MRC1: variants seen among roughly 807,000 people sequenced by gnomAD.
MRC1 encodes macrophage mannose receptor 1.
In MRC1, 62 loss-of-function variants were observed where a neutral mutation model predicts 102.9. That is an observed-to-expected ratio of 0.60 (90% CI 0.49 to 0.74). MRC1 has a LOEUF of 0.74. Among genes scored for constraint, MRC1 ranks in the 30% least tolerant of loss-of-function variants. The pLI is 0.00. For missense variants in MRC1, 1,237 were observed against 862.8 expected, an observed-to-expected ratio of 1.43 and a Z score of -5.43; for synonymous variants, 457 against 298.4, an observed-to-expected ratio of 1.53 and a Z score of -5.48.
At chr10:17,874,850 A>G (rs956458206) in intron 16 of MRC1, among the ~76,000 whole-genome samples, 31 of 152,206 alleles carry the variant, frequency 2.0e-4, no homozygotes, top group African/African-American at 7.5e-4. Context: ...CAGTAATGAC[A>G]TATGGAACAT....
intron 22 of MRC1, among the ~76,000 whole-genome samples, chr10:17,889,631 C>G (rs1833646501): frequency 6.6e-6 from 1 of 152,186 alleles, no homozygotes; most frequent in Admixed American, 6.5e-5. Flanking sequence ...ATATTTACAA[C>G]TAATCCAAGT....
chr10:17,903,296 G>T (rs995677690), intron 26 of MRC1, among the ~76,000 whole-genome samples: 1 of 150,754 alleles, frequency 6.6e-6, no homozygotes, highest in Non-Finnish European at 1.5e-5. Context: ...TATGTCTTAT[G>T]GTCCCCCTAT....
chr10:17,850,068 C>A (rs1385676620), intron 7 of MRC1, among the ~76,000 whole-genome samples: 9 of 151,870 alleles, frequency 5.9e-5, no homozygotes, highest in African/African-American at 2.2e-4. Flanking sequence ...GAGCAGTCTA[C>A]CTTACACTTG....
At position 17,849,603 on chromosome 10, in the gene MRC1, C is replaced by T. The variant is rs1245646844; in HGVS notation, c.1088C>T (p.Pro363Leu). ...PSESDVPTHC[P>L]SQWWPYAGHC... ...GAAAGTGATGTGCCTACTCACTGTC[C>T]TAGTCAGTGGTGGCCGTATGCCGGT... is the stretch of plus-strand genomic sequence containing the variant. Residue 363 changes from proline (P) to leucine (L), a missense_variant, in exon 7 of 30, where the codon CCT becomes CTT. Pro to Leu is a moderately conservative substitution (Grantham distance 98). Coordinates refer to ENST00000569591, the MANE Select transcript of MRC1 (RefSeq NM_002438.4). 2 of 780,764 alleles carry T rather than the reference C, an allele frequency of 2.6e-6. No individual in the cohort carries two copies. The highest frequency in any genetic ancestry group is 2.7e-5 in the South Asian group (2 of 74,602). 48.4% of individuals were successfully genotyped at this position (780,764 alleles called of 1,614,324 possible).
At chr10:17,815,587 A>G (rs138992760) in intron 1 of MRC1, among the ~76,000 whole-genome samples, 1,804 of 152,202 alleles carry the variant, frequency 0.012, 37 homozygotes, top group African/African-American at 0.04. Context: ...GGCCCCGGGA[A>G]GGTGTAGATA....
chr10:17,876,063 A>AT (rs1249116829), intron 17 of MRC1, among the ~76,000 whole-genome samples: 2 of 152,176 alleles, frequency 1.3e-5, no homozygotes, highest in African/African-American at 4.8e-5. Flanking sequence ...TAAGGATGGA[A>AT]CAGTGACATG....
At position 17,870,253 on chromosome 10, in the gene MRC1, C is replaced by A. The variant is rs1311383145; in HGVS notation, c.1991C>A (p.Ala664Glu). ...SRTSLCFKLYAKGKHEKKTWF... is the reference protein window; with the variant it reads ...SRTSLCFKLYEKGKHEKKTWF... ...TAACCATATCATCTTCAGCTGTATGCAAAAGGAAAACATGAGAAGAAAACG... is the reference window on the plus strand; with the variant it reads ...TAACCATATCATCTTCAGCTGTATGAAAAAGGAAAACATGAGAAGAAAACG... The change falls in exon 13 of 30, where the codon GCA becomes GAA. Residue 664 changes from alanine to glutamate, a missense_variant. Coordinates refer to ENST00000569591, the MANE Select transcript of MRC1 (RefSeq NM_002438.4). 3 of 780,080 alleles carry A rather than the reference C, an allele frequency of 3.8e-6. No homozygotes were observed. The highest frequency in any genetic ancestry group is 1.7e-5 in the Admixed American group (1 of 58,978). 48.3% of individuals were successfully genotyped at this position (780,080 alleles called of 1,614,324 possible). A position where few individuals can be genotyped will look rare whatever the true frequency, so the allele number is the denominator to read the frequency against.
chr10:17,888,830 C>T (rs1220926021), intron 22 of MRC1, among the ~76,000 whole-genome samples: 2 of 152,066 alleles, frequency 1.3e-5, no homozygotes, highest in African/African-American at 4.8e-5. Context: ...GATTTTTTGC[C>T]TGCTGGATCT....
chr10:17,853,240 G>A (rs928410076), intron 8 of MRC1, 116 bp downstream of exon 8: 19 of 716,990 alleles, frequency 2.6e-5, no homozygotes, highest in Non-Finnish European at 3.6e-5. Flanking sequence ...AAATTGGCAT[G>A]GATCAAAGGT....
intron 21 of MRC1, 43 bp downstream of exon 21, chr10:17,881,224 A>G: frequency 2.6e-6 from 2 of 767,994 alleles, no homozygotes; most frequent in East Asian, 2.4e-5. Context: ...TTAAATATGG[A>G]ATTCTGACTG....
Position 17,861,875 on chromosome 10 carries a change from G to A in MRC1, c.1634+373G>A, listed in dbSNP as rs932662353. 3.0e-3 allele frequency among the ~76,000 whole-genome samples: 463 copies of A among 152,216 alleles called. 1 individual carries two copies. Among genetic ancestry groups the A allele is most frequent in the Non-Finnish European group, 5.1e-3 (347 of 68,000 alleles). On this transcript the variant is annotated intron_variant, in intron 10 of 29. Coordinates refer to ENST00000569591, the MANE Select transcript of MRC1 (RefSeq NM_002438.4). Reference sequence around the variant, plus strand: ...ACCACTCTCTCCACCAAAAAAGAAGGCAAAGAAGTTTACTGAATAATTCAT... The same window carrying A: ...ACCACTCTCTCCACCAAAAAAGAAGACAAAGAAGTTTACTGAATAATTCAT...
intron 5 of MRC1, chr10:17,845,042 G>T (rs1238347686): frequency 1.3e-6 from 1 of 745,286 alleles, no homozygotes; most frequent in Non-Finnish European, 2.5e-6. Context: ...GGAAAGGGTT[G>T]TTTCAAAGAA....
intron 21 of MRC1, among the ~76,000 whole-genome samples, chr10:17,882,202 G>A (rs988986916): frequency 6.6e-6 from 1 of 152,068 alleles, no homozygotes; most frequent in African/African-American, 2.4e-5. Context: ...ACTGATGAAG[G>A]GTTTCGAAAT....
intron 22 of MRC1, among the ~76,000 whole-genome samples, chr10:17,890,764 G>A (rs1396151312): frequency 6.6e-6 from 1 of 152,170 alleles, no homozygotes; most frequent in Non-Finnish European, 1.5e-5. Flanking sequence ...CAGTGCAGGG[G>A]TCTGCAACCC....
At chr10:17,876,753 A>C (rs1833443134) in intron 17 of MRC1, among the ~76,000 whole-genome samples, 1 of 152,204 alleles carries the variant, frequency 6.6e-6, no homozygotes, top group East Asian at 1.9e-4. Flanking sequence ...GCTATATAAC[A>C]GAGTTTGACT....
Position 17,874,539 on chromosome 10 carries a change from G to C in MRC1, c.2387-551G>C, listed in dbSNP as rs1186599835. Among the ~76,000 whole-genome samples, 5 of 152,234 alleles carry C rather than the reference G, an allele frequency of 3.3e-5. No homozygotes were observed. The East Asian group carries it at 7.7e-4, about 24-fold the overall frequency. ...TAAGCTAACATTCATAGGTTCCAGG[G>C]GTTAGGAACTAGATACCTTTGGGAG... On this transcript the variant is annotated intron_variant, in intron 16 of 29. Transcript: ENST00000569591.
intron 5 of MRC1, 148 bp downstream of exon 5, chr10:17,840,954 A>C (rs1020302731): frequency 1.1e-5 from 8 of 718,188 alleles, no homozygotes; most frequent in Non-Finnish European, 1.6e-5. Flanking sequence ...TTTGAAATCT[A>C]TGCTAGATTT....
chr10:17,837,488 C>T (rs1362078090), intron 4 of MRC1, among the ~76,000 whole-genome samples: 2 of 152,098 alleles, frequency 1.3e-5, no homozygotes, highest in African/African-American at 4.8e-5. Flanking sequence ...TGTGTAATTG[C>T]AATCCACTCT....
At chr10:17,851,501 C>T (rs1838916298) in intron 7 of MRC1, among the ~76,000 whole-genome samples, 1 of 152,056 alleles carries the variant, frequency 6.6e-6, no homozygotes, top group South Asian at 2.1e-4. Flanking sequence ...ACTTCCCCAA[C>T]TAATTGATAA....
Sources: gnomAD v4.1 joint callset for allele counts (sites outside exome capture counted in the v4.1 genomes callset) on GRCh38, gnomAD v4.1.1 for gene constraint, MANE v1.5 for transcripts, NCBI Gene and HGNC (gene_info 2026-07-23, HGNC 2026-07-21) for gene names.